NOS1: variants seen among roughly 807,000 people sequenced by gnomAD.
NOS1 encodes NOS type I.
A neutral mutation model predicts 164.5 loss-of-function variants in NOS1; 51 were observed. The ratio of observed to expected loss-of-function variants is 0.31; its 90% CI spans 0.25 to 0.39. NOS1 has a LOEUF of 0.39. Among genes scored for constraint, NOS1 ranks in the 10% least tolerant of loss-of-function variants. NOS1 has a pLI of 1.00. For synonymous variants in NOS1, 719 were observed against 745.8 expected, an observed-to-expected ratio of 0.96 and a Z score of 0.59; for missense variants, 1,362 against 1,885.6, an observed-to-expected ratio of 0.72 and a Z score of 5.14.
intron 18 of NOS1, 112 bp downstream of exon 18, chr12:117,247,236 G>A (rs1592947921): frequency 1.2e-6 from 1 of 857,794 alleles, no homozygotes; most frequent in East Asian, 2.7e-5. Flanking sequence ...GGATACATGG[G>A]AGAGGTACTG....
At chr12:117,301,633 C>T (rs895928165) in intron 3 of NOS1, among the ~76,000 whole-genome samples, 2 of 152,136 alleles carry the variant, frequency 1.3e-5, no homozygotes, top group African/African-American at 2.4e-5. Flanking sequence ...CTCAAAGTTC[C>T]CCTCTTTCCA....
At chr12:117,303,625 G>A (rs965079481) in intron 3 of NOS1, among the ~76,000 whole-genome samples, 1 of 152,140 alleles carries the variant, frequency 6.6e-6, no homozygotes, top group Non-Finnish European at 1.5e-5. Flanking sequence ...CTCGAACCTC[G>A]TACTAAGGGT....
intron 3 of NOS1, among the ~76,000 whole-genome samples, chr12:117,298,848 G>T (rs1227352847): frequency 6.6e-6 from 1 of 152,236 alleles, no homozygotes; most frequent in East Asian, 1.9e-4. Context: ...ACCAGTTGGT[G>T]GTGTTTTATT....
rs960122802 is a variant in NOS1 at position 117,253,726 on chromosome 12, A to G, written c.2560T>C (p.Ser854Pro). 1 of 1,613,872 alleles carries G rather than the reference A, an allele frequency of 6.2e-7. No individual in the cohort carries two copies. Among genetic ancestry groups the G allele is most frequent in the African/African-American group, 1.3e-5 (1 of 74,900 alleles). The part of the protein sequence containing the change: ...KSYKVRFNSV[S>P]SYSDSQKSSG... The stretch of plus-strand genomic sequence containing the variant: ...GATTTTTGGGAGTCAGAGTAGGAGG[A>G]GACGCTGTTGAATCGGACCTTGTAG... Residue 854 changes from serine to proline, a missense_variant, in exon 17 of 29, where the codon TCC becomes CCC. Around this residue, in one of 4 missense-constraint regions of NOS1, gnomAD observed 737 missense variants for 1,030.3 expected, o/e 0.72. Transcript: ENST00000317775.
chr12:117,354,170 C>G (rs947189534), intron 1 of NOS1, among the ~76,000 whole-genome samples: 1 of 152,042 alleles, frequency 6.6e-6, no homozygotes, highest in African/African-American at 2.4e-5. Context: ...GAAGAAGGGA[C>G]CCTCAAGAAA....
chr12:117,280,679 A>G, intron 8 of NOS1, 46 bp downstream of exon 8: 1 of 1,363,746 alleles, frequency 7.3e-7, no homozygotes, highest in Non-Finnish European at 1.0e-6. Flanking sequence ...GTCTGGGGAC[A>G]TAAGAGCCCA....
Position 117,215,168 on chromosome 12 carries a change from C to A in NOS1, c.*141G>T, listed in dbSNP as rs1344035013. On this transcript the variant is annotated 3_prime_UTR_variant, in exon 29 of 29. Transcript: ENST00000317775. ...GAGGGCCGAGGAAACCACTGAGGGGCGAGAAGCCCGAGGAGGGAAACCAGG... is the reference window on the plus strand; with the variant it reads ...GAGGGCCGAGGAAACCACTGAGGGGAGAGAAGCCCGAGGAGGGAAACCAGG... 8 of 1,329,020 alleles carry A rather than the reference C, an allele frequency of 6.0e-6. No individual in the cohort carries two copies. The highest frequency in any genetic ancestry group is 1.5e-5 in the African/African-American group (1 of 66,908). The allele number at this position is 1,329,020 out of a possible 1,614,324, so 82.3% of individuals were successfully genotyped here.
intron 1 of NOS1, among the ~76,000 whole-genome samples, chr12:117,357,278 G>GA (rs540357214): frequency 6.6e-6 from 1 of 152,188 alleles, no homozygotes; most frequent in South Asian, 2.1e-4. Context: ...CTCTGAAAGG[G>GA]AGAGATCAAA....
intron 13 of NOS1, among the ~76,000 whole-genome samples, chr12:117,262,656 TCATA>T (rs1198537187): frequency 2.0e-5 from 3 of 152,132 alleles, no homozygotes; most frequent in African/African-American, 7.2e-5. Flanking sequence ...CAACTAGTTA[TCATA>T]CATAGAGAAT....
chr12:117,285,357 G>C, intron 6 of NOS1, 25 bp from the exon 7 acceptor site: 1 of 1,531,102 alleles, frequency 6.5e-7, no homozygotes, highest in Non-Finnish European at 9.0e-7. Context: ...GGGCGGAACT[G>C]ATTGCCTCTT....
At chr12:117,293,855 AAGTTATTGT>A (rs1280539018) in intron 3 of NOS1, among the ~76,000 whole-genome samples, 5 of 152,112 alleles carry the variant, frequency 3.3e-5, no homozygotes, top group Admixed American at 6.6e-5. Flanking sequence ...TAGCCTGTCT[AAGTTATTGT>A]GCCCATGTTT....
chr12:117,215,138 C>A lies in NOS1; in HGVS notation c.*171G>T. ...GCAGCAGGAAAACTCAAGGAGTAAA[C>A]CCAGGAGGGCCGAGGAAACCACTGA... On this transcript the variant is annotated 3_prime_UTR_variant, in exon 29 of 29. Transcript: ENST00000317775. 7.6e-7 allele frequency: 1 copy of A among 1,316,420 alleles called. No individual in the cohort carries two copies. Among genetic ancestry groups the A allele is most frequent in the Non-Finnish European group, 9.8e-7 (1 of 1,024,062 alleles). 81.5% of individuals were successfully genotyped at this position (1,316,420 alleles called of 1,614,324 possible). A position where few individuals can be genotyped will look rare whatever the true frequency, so the allele number is the denominator to read the frequency against.
chr12:117,210,230 C>T lies in NOS1; in HGVS notation c.*5079G>A. ...TCCTGGCCCCAAGTGATCCTCCCAC[C>T]TCAGTCTCCCAAAGTGCTATTACAG... is the stretch of plus-strand genomic sequence containing the variant. On this transcript the variant is annotated 3_prime_UTR_variant, in exon 29 of 29. Transcript: ENST00000317775. The T allele has an allele frequency of 4.3e-6, 4 of 933,448 alleles. No homozygotes were observed. The highest frequency in any genetic ancestry group is 5.1e-6 in the Non-Finnish European group (4 of 782,966). The allele number at this position is 933,448 out of a possible 1,614,324, so 57.8% of individuals were successfully genotyped here.
chr12:117,250,342 T>A (rs1349525922), intron 17 of NOS1, among the ~76,000 whole-genome samples: 1 of 151,438 alleles, frequency 6.6e-6, no homozygotes, highest in Non-Finnish European at 1.5e-5. Flanking sequence ...TTTTTTTTTT[T>A]TTTTAGACAG....
chr12:117,217,978 T>A, intron 28 of NOS1, 68 bp downstream of exon 28: 1 of 1,156,070 alleles, frequency 8.6e-7, no homozygotes, highest in South Asian at 1.2e-5. Context: ...AAGCCAGACA[T>A]TCCTGCCCAG....
At position 117,227,450 on chromosome 12, in the gene NOS1, G is replaced by C; in HGVS notation, c.3597C>G (p.Ile1199Met). ...GCCCACCTCGAGTGCGGTAGGAAAC[G>C]ATGGCCACAGTGAGGTGCACTTCAT... ...YPDEVHLTVAIVSYRTRDGEG... is the reference protein window; with the variant it reads ...YPDEVHLTVAMVSYRTRDGEG... The change falls in exon 23 of 29, where the codon ATC becomes ATG. Residue 1199 changes from isoleucine to methionine, a missense_variant. By Grantham distance (10) the Ile-to-Met change is conservative (BLOSUM62 1). Coordinates refer to ENST00000317775, the MANE Select transcript of NOS1 (RefSeq NM_000620.5). 1 of 1,613,860 alleles carries C rather than the reference G, an allele frequency of 6.2e-7. No individual in the cohort carries two copies. The highest frequency in any genetic ancestry group is 8.5e-7 in the Non-Finnish European group (1 of 1,179,952).
chr12:117,243,403 A>G lies in NOS1; in HGVS notation c.2856T>C (p.Asp952=), dbSNP rs1422062473. 7.4e-6 allele frequency: 12 copies of G among 1,614,012 alleles called. No homozygotes were observed. The highest frequency in any genetic ancestry group is 1.1e-5 in the South Asian group (1 of 91,078). ...AACDVFCVGD[D]VNIEKANNSL... ...AATTGTTGGCCTTTTCAATGTTGACATCATCTCCCACACAGAAGACATCAC... is the reference window on the plus strand; with the variant it reads ...AATTGTTGGCCTTTTCAATGTTGACGTCATCTCCCACACAGAAGACATCAC... The change falls in exon 19 of 29, where the codon GAT becomes GAC. Residue 952 remains aspartate, a synonymous_variant. Coordinates refer to ENST00000317775, the MANE Select transcript of NOS1 (RefSeq NM_000620.5). This position sits in a 1 kb window ranked among gnomAD's most constrained non-coding sequence, Gnocchi z 4.3.
intron 1 of NOS1, among the ~76,000 whole-genome samples, chr12:117,354,064 T>A (rs1876753107): frequency 6.6e-6 from 1 of 152,222 alleles, no homozygotes; most frequent in South Asian, 2.1e-4. Context: ...GACTTCTTGC[T>A]GTTTCTGAAA....
chr12:117,286,106 G>T lies in NOS1; in HGVS notation c.1288C>A (p.Gln430Lys). The change falls in exon 6 of 29, where the codon CAG becomes AAG. Residue 430 changes from glutamine to lysine, a missense_variant and splice_region_variant. By Grantham distance (53) the Gln-to-Lys change is moderately conservative. This residue lies in a region of NOS1 where 129 missense variants were observed against 186.0 expected (regional missense o/e 0.69). Transcript: ENST00000317775. ...AGGTATCTGACTTCACCACCTACCTGCAGCTTGGACCACTGGATCCTGCCC... is the reference window on the plus strand; with the variant it reads ...AGGTATCTGACTTCACCACCTACCTTCAGCTTGGACCACTGGATCCTGCCC... Reference protein sequence around the residue: ...CVGRIQWSKLQVFDARDCTTA... With the variant: ...CVGRIQWSKLKVFDARDCTTA... 1 of 1,614,096 alleles carries T rather than the reference G, an allele frequency of 6.2e-7. No homozygotes were observed. Among genetic ancestry groups the T allele is most frequent in the Non-Finnish European group, 8.5e-7 (1 of 1,180,026 alleles).
Sources: allele counts gnomAD v4.1 joint callset (sites outside exome capture counted in the v4.1 genomes callset), GRCh38; gene constraint gnomAD v4.1.1; regional missense constraint gnomAD v4.1.1; non-coding constraint Gnocchi (gnomAD v3.1); transcripts MANE v1.5; gene names NCBI Gene and HGNC (gene_info 2026-07-23, HGNC 2026-07-21).